The following JMJD1C variants were observed in gnomAD, a reference collection of about 807,000 sequenced individuals.
JMJD1C encodes the protein jumonji domain-containing protein 1C.
In JMJD1C, 31 loss-of-function variants were observed where a neutral mutation model predicts 245.3. That is an observed-to-expected ratio of 0.13 (90% CI 0.09 to 0.17). The LOEUF is 0.17. JMJD1C is among the 10% of genes least tolerant of loss of function. The probability of loss-of-function intolerance (pLI) is 1.00; values close to 1 mark genes in which losing one functional copy is unlikely to be tolerated. For synonymous variants in JMJD1C, 1,057 were observed against 1,017.4 expected, an observed-to-expected ratio of 1.04 and a Z score of -0.74; for missense variants, 2,691 against 3,000.2, an observed-to-expected ratio of 0.90 and a Z score of 2.41.
intron 11 of JMJD1C, among the ~76,000 whole-genome samples, chr10:63,199,599 T>C (rs1266595646): frequency 1.3e-5 from 2 of 152,174 alleles, no homozygotes; most frequent in Non-Finnish European, 2.9e-5. Flanking sequence ...TTTTCCTAGA[T>C]TTTCTTATGC....
At chr10:63,382,670 A>T in intron 1 of JMJD1C, 1 of 390,138 alleles carries the variant, frequency 2.6e-6, no homozygotes, top group East Asian at 7.2e-5. Context: ...ACTGAAGCTG[A>T]CTCTATGCTC....
chr10:63,243,124 T>TATATATATATATATATATAG (rs1491362612), intron 3 of JMJD1C, among the ~76,000 whole-genome samples: 1 of 85,744 alleles, frequency 1.2e-5, no homozygotes, highest in Non-Finnish European at 3.3e-5. Context: ...TATATATATA[T>TATATATATATATATATATAG]AAATATATAT....
chr10:63,191,235 G>A, intron 16 of JMJD1C, 127 bp from the exon 17 acceptor site: 1 of 669,488 alleles, frequency 1.5e-6, no homozygotes, highest in Non-Finnish European at 2.6e-6. Flanking sequence ...AGGTTCAAGT[G>A]GTTCTCCTGT....
intron 2 of JMJD1C, among the ~76,000 whole-genome samples, chr10:63,303,780 A>T (rs1283282954): frequency 6.6e-6 from 1 of 152,170 alleles, no homozygotes; most frequent in East Asian, 1.9e-4. Flanking sequence ...TAAAAAATAT[A>T]TTTTTTATTT....
chr10:63,356,319 C>A (rs192397763), intron 2 of JMJD1C, among the ~76,000 whole-genome samples: 3 of 152,190 alleles, frequency 2.0e-5, no homozygotes, highest in African/African-American at 4.8e-5. Context: ...GATACAGACA[C>A]ATGAAATACA....
At chr10:63,440,692 T>G (rs553884732) in intron 1 of JMJD1C, among the ~76,000 whole-genome samples, 1 of 152,286 alleles carries the variant, frequency 6.6e-6, no homozygotes, top group African/African-American at 2.4e-5. Flanking sequence ...CTGGATATTT[T>G]AATTCAAAAT....
At chr10:63,410,245 T>G (rs2132655957) in intron 1 of JMJD1C, among the ~76,000 whole-genome samples, 1 of 152,284 alleles carries the variant, frequency 6.6e-6, no homozygotes, top group South Asian at 2.1e-4. Flanking sequence ...ACAAATTTAA[T>G]CACATATATT....
chr10:63,354,122 A>T (rs1030968499), intron 2 of JMJD1C, among the ~76,000 whole-genome samples: 3 of 152,212 alleles, frequency 2.0e-5, no homozygotes, highest in Non-Finnish European at 4.4e-5. Context: ...TACAGGCATG[A>T]GCCACTGCGC....
intron 2 of JMJD1C, among the ~76,000 whole-genome samples, chr10:63,291,385 G>C (rs1449419916): frequency 6.6e-6 from 1 of 150,702 alleles, no homozygotes. Flanking sequence ...GGGAGGCCAA[G>C]GTGGGCGGAT....
chr10:63,261,128 C>T (rs1331695343), intron 3 of JMJD1C, among the ~76,000 whole-genome samples: 4 of 152,066 alleles, frequency 2.6e-5, no homozygotes, highest in African/African-American at 7.2e-5. Flanking sequence ...TTAACAATAT[C>T]GAGGCCTGTT....
upstream of JMJD1C, among the ~76,000 whole-genome samples, chr10:63,466,931 G>A (rs1012251792): frequency 1.3e-5 from 2 of 151,904 alleles, no homozygotes; most frequent in Non-Finnish European, 1.5e-5. Context: ...TCGATTTCAG[G>A]CACCCTTTAT....
chr10:63,175,016 T>C lies in JMJD1C; in HGVS notation c.7401+1281A>G, dbSNP rs545891513. Among the ~76,000 whole-genome samples the C allele has an allele frequency of 2.3e-3, 356 of 152,334 alleles. 1 individual carries two copies. Among genetic ancestry groups the C allele is most frequent in the Non-Finnish European group, 3.5e-3 (237 of 68,030 alleles). On this transcript the variant is annotated intron_variant, in intron 24 of 25. Transcript: ENST00000399262. ...CAAATTATATCTCAATTTACAAAAA[T>C]GACTACACTACCTAGGTTAACTTTA...
At chr10:63,263,520 GA>G (rs1477282962) in intron 3 of JMJD1C, among the ~76,000 whole-genome samples, 1 of 152,114 alleles carries the variant, frequency 6.6e-6, no homozygotes, top group South Asian at 2.1e-4. Context: ...TACTCCATTA[GA>G]AAAAATTTAA....
chr10:63,247,919 C>T (rs922616898), intron 3 of JMJD1C, among the ~76,000 whole-genome samples: 3 of 151,862 alleles, frequency 2.0e-5, no homozygotes, highest in Admixed American at 2.0e-4. Context: ...CCAGTATTAC[C>T]CAGACACAAC....
At chr10:63,518,097 G>A (rs1955081005) in intron 1 of JMJD1C, among the ~76,000 whole-genome samples, 1 of 152,016 alleles carries the variant, frequency 6.6e-6, no homozygotes, top group South Asian at 2.1e-4. Context: ...CCAGCATAAT[G>A]GCCACTTATT....
chr10:63,391,504 C>T (rs946599746), intron 1 of JMJD1C, among the ~76,000 whole-genome samples: 8 of 123,576 alleles, frequency 6.5e-5, no homozygotes, highest in African/African-American at 1.4e-4. Context: ...AGTGAGACTC[C>T]GTCTCAACAA....
At chr10:63,180,271 A>G (rs1843316566) in intron 22 of JMJD1C, among the ~76,000 whole-genome samples, 1 of 152,220 alleles carries the variant, frequency 6.6e-6, no homozygotes, top group Non-Finnish European at 1.5e-5. Flanking sequence ...TTGGCCTCCC[A>G]AAGTGCTGGG....
chr10:63,325,079 T>C (rs1001566594), intron 2 of JMJD1C, among the ~76,000 whole-genome samples: 3 of 152,226 alleles, frequency 2.0e-5, no homozygotes, highest in Non-Finnish European at 4.4e-5. Context: ...ATACTGAGAC[T>C]AGATGTCCTA....
intron 1 of JMJD1C, among the ~76,000 whole-genome samples, chr10:63,442,031 T>C (rs976970555): frequency 6.6e-6 from 1 of 152,190 alleles, no homozygotes; most frequent in African/African-American, 2.4e-5. Context: ...TCTAAGGTAT[T>C]AAATGTACAT....
Sources: allele counts gnomAD v4.1 joint callset (sites outside exome capture counted in the v4.1 genomes callset), GRCh38; gene constraint gnomAD v4.1.1; transcripts MANE v1.5; gene names NCBI Gene and HGNC (gene_info 2026-07-23, HGNC 2026-07-21).